The following TAFA4 variants were observed in gnomAD, a reference collection of about 807,000 sequenced individuals.
TAFA4 encodes chemokine-like protein TAFA-4.
A neutral mutation model predicts 21.1 loss-of-function variants in TAFA4; 20 were observed. The ratio of observed to expected loss-of-function variants is 0.95; its 90% CI spans 0.67 to 1.38. The LOEUF (loss-of-function observed/expected upper bound fraction) is 1.38. Among genes scored for constraint, TAFA4 ranks in the 40% most tolerant of loss-of-function variants. The pLI is 0.00. For synonymous variants in TAFA4, 71 were observed against 67.4 expected (o/e 1.05, Z -0.26); for missense variants, 211 against 180.9 (o/e 1.17, Z -0.95).
Position 68,869,502 on chromosome 3 carries a change from C to A in TAFA4, c.130+11228G>T, listed in dbSNP as rs2089458536. Among the ~76,000 whole-genome samples the A allele has an allele frequency of 2.0e-5, 3 of 152,084 alleles. No individual in the cohort carries two copies. The South Asian group carries it at 6.2e-4, about 32-fold the overall frequency. The stretch of plus-strand genomic sequence containing the variant: ...AAATTCAATGACACAATAAAAAGAT[C>A]ATTCACCATGATCAAATAATCAATG... On this transcript the variant is annotated intron_variant, in intron 3 of 5. Transcript: ENST00000295569.
intron 3 of TAFA4, among the ~76,000 whole-genome samples, chr3:68,761,210 G>A (rs1026173722): frequency 6.6e-6 from 1 of 152,158 alleles, no homozygotes; most frequent in African/African-American, 2.4e-5. Flanking sequence ...AGAACACAGT[G>A]AACTACTTGA....
chr3:68,817,448 T>G (rs1161416904), intron 3 of TAFA4, among the ~76,000 whole-genome samples: 2 of 152,184 alleles, frequency 1.3e-5, no homozygotes, highest in Non-Finnish European at 2.9e-5. Context: ...AATGTTGATC[T>G]TTTGACCTCC....
chr3:68,782,899 A>G, intron 3 of TAFA4, among the ~76,000 whole-genome samples: 1 of 152,242 alleles, frequency 6.6e-6, no homozygotes, highest in Non-Finnish European at 1.5e-5. Context: ...AAAAATGTGT[A>G]TTTTACAACA....
intron 4 of TAFA4, among the ~76,000 whole-genome samples, chr3:68,750,605 GA>G (rs1212889089): frequency 6.6e-6 from 1 of 152,080 alleles, no homozygotes; most frequent in South Asian, 2.1e-4. Context: ...GGCCAAAGGG[GA>G]TTTGCCCATA....
chr3:68,838,427 G>A (rs912244794), intron 3 of TAFA4, among the ~76,000 whole-genome samples: 2 of 152,142 alleles, frequency 1.3e-5, no homozygotes, highest in Non-Finnish European at 2.9e-5. Context: ...TCTAGACAGA[G>A]CAAGGATCTA....
intron 3 of TAFA4, among the ~76,000 whole-genome samples, chr3:68,759,574 T>C (rs1321976858): frequency 3.9e-5 from 6 of 152,158 alleles, no homozygotes; most frequent in South Asian, 2.1e-4. Context: ...AAAACAAAGA[T>C]GAATTTTTCC....
At chr3:68,823,589 G>A (rs1467051529) in intron 3 of TAFA4, among the ~76,000 whole-genome samples, 1 of 152,050 alleles carries the variant, frequency 6.6e-6, no homozygotes, top group Non-Finnish European at 1.5e-5. Flanking sequence ...TTTTCCTAAT[G>A]CTATCACTCC....
intron 3 of TAFA4, among the ~76,000 whole-genome samples, chr3:68,790,768 G>A (rs1255460486): frequency 6.6e-6 from 1 of 152,178 alleles, no homozygotes; most frequent in Admixed American, 6.5e-5. Context: ...AGTGAGGGGT[G>A]AAAGGACCTC....
intron 1 of TAFA4, among the ~76,000 whole-genome samples, chr3:68,885,722 C>T (rs1270163942): frequency 6.6e-6 from 1 of 152,112 alleles, no homozygotes; most frequent in Admixed American, 6.5e-5. Flanking sequence ...AAAGCCAGCA[C>T]GAAGATCTGA....
chr3:68,808,097 G>A (rs945319568), intron 3 of TAFA4, among the ~76,000 whole-genome samples: 17 of 152,088 alleles, frequency 1.1e-4, no homozygotes. Context: ...GAAAAAAATG[G>A]GGTGGGGTTT....
chr3:68,895,681 A>G (rs143735292), intron 1 of TAFA4, among the ~76,000 whole-genome samples: 7 of 152,298 alleles, frequency 4.6e-5, no homozygotes, highest in African/African-American at 1.7e-4. Flanking sequence ...TCACCTCTGC[A>G]TGATTAATTC....
intron 3 of TAFA4, among the ~76,000 whole-genome samples, chr3:68,808,481 T>A (rs547046202): frequency 3.9e-5 from 6 of 152,340 alleles, no homozygotes; most frequent in Admixed American, 6.5e-5. Flanking sequence ...CTTAAAAAAA[T>A]AATCTACTGC....
intron 3 of TAFA4, among the ~76,000 whole-genome samples, chr3:68,808,145 AAG>A (rs1259575572): frequency 6.6e-6 from 1 of 152,138 alleles, no homozygotes; most frequent in Non-Finnish European, 1.5e-5. Context: ...AAAGAAAAGA[AAG>A]GGGTTAAGTT....
chr3:68,929,892 T>C (rs1338665875), intron 1 of TAFA4, among the ~76,000 whole-genome samples: 1 of 152,248 alleles, frequency 6.6e-6, no homozygotes, highest in Non-Finnish European at 1.5e-5. Flanking sequence ...CTCAATATGA[T>C]AATATGACTT....
At chr3:68,738,760 C>A (rs17047950) in intron 5 of TAFA4, among the ~76,000 whole-genome samples, 30,020 of 152,036 alleles carry the variant, frequency 0.2, 3,852 homozygotes, top group East Asian at 0.62. Flanking sequence ...GGATTCTTGT[C>A]ATGGTGTTTT....
intron 3 of TAFA4, among the ~76,000 whole-genome samples, chr3:68,860,865 G>T (rs1481726233): frequency 6.6e-6 from 1 of 151,974 alleles, no homozygotes; most frequent in African/African-American, 2.4e-5. Flanking sequence ...TCATCATTGG[G>T]CTGTGACCCG....
chr3:68,783,148 C>T (rs1350527762), intron 3 of TAFA4, among the ~76,000 whole-genome samples: 2 of 152,300 alleles, frequency 1.3e-5, no homozygotes, highest in South Asian at 4.1e-4. Flanking sequence ...ATAAAAGGCA[C>T]ATACAGAAAA....
intron 1 of TAFA4, among the ~76,000 whole-genome samples, chr3:68,920,634 C>T (rs929881731): frequency 1.1e-4 from 16 of 144,236 alleles, no homozygotes; most frequent in Non-Finnish European, 4.5e-5. Context: ...TTTACTTTTT[C>T]TCTAATTTTT....
At chr3:68,818,845 T>C (rs188742896) in intron 3 of TAFA4, among the ~76,000 whole-genome samples, 217 of 152,250 alleles carry the variant, frequency 1.4e-3, no homozygotes, top group African/African-American at 4.7e-3. Flanking sequence ...ATCATAATAA[T>C]GAAAAGTTTG....
Sources: allele counts gnomAD v4.1 joint callset (sites outside exome capture counted in the v4.1 genomes callset), GRCh38; gene constraint gnomAD v4.1.1; transcripts MANE v1.5; gene names NCBI Gene and HGNC (gene_info 2026-07-23, HGNC 2026-07-21).